Variants in MTHFS observed in about 807,000 individuals in gnomAD.
MTHFS encodes the protein methenyltetrahydrofolate synthetase.
MTHFS carries 7 observed loss-of-function variants against 12.7 expected under a neutral mutation model. The observed-to-expected ratio is 0.55, with a 90% CI of 0.31 to 1.03. The LOEUF is 1.03. Ranked by LOEUF, MTHFS falls within the 50% of genes least tolerant of loss-of-function variation. The probability of loss-of-function intolerance (pLI) is 0.05; values close to 1 mark genes in which losing one functional copy is unlikely to be tolerated. For synonymous variants in MTHFS, 100 were observed against 97.1 expected (o/e 1.03, Z -0.18); for missense variants, 252 against 258.1 (o/e 0.98, Z 0.16).
intron 2 of MTHFS, among the ~76,000 whole-genome samples, chr15:79,867,617 A>C (rs2034035284): frequency 6.6e-6 from 1 of 152,084 alleles, no homozygotes; most frequent in African/African-American, 2.4e-5. Context: ...GTCATAAAAA[A>C]AAAAAACCAA....
chr15:79,873,276 C>T (rs1247787492), intron 2 of MTHFS, among the ~76,000 whole-genome samples: 4 of 152,060 alleles, frequency 2.6e-5, no homozygotes, highest in Non-Finnish European at 2.9e-5. Flanking sequence ...GTGTGACCAT[C>T]GATAAGGTAC....
At chr15:79,859,797 G>A (rs1230567775) in intron 2 of MTHFS, among the ~76,000 whole-genome samples, 1 of 113,374 alleles carries the variant, frequency 8.8e-6, no homozygotes, top group African/African-American at 3.5e-5. Flanking sequence ...CAGGCTGGAA[G>A]ACAGAGAGAG....
At chr15:79,884,883 G>C (rs1445903821) in intron 2 of MTHFS, among the ~76,000 whole-genome samples, 1 of 152,166 alleles carries the variant, frequency 6.6e-6, no homozygotes, top group Non-Finnish European at 1.5e-5. Context: ...CAATAGGCTA[G>C]TTAACTCCAA....
At chr15:79,885,434 AGTTT>A (rs2034365308) in intron 2 of MTHFS, among the ~76,000 whole-genome samples, 1 of 152,188 alleles carries the variant, frequency 6.6e-6, no homozygotes, top group African/African-American at 2.4e-5. Flanking sequence ...AGCATTGGTG[AGTTT>A]AGTTTTGACT....
At chr15:79,896,763 G>T in intron 1 of MTHFS, 109 bp downstream of exon 1, 3 of 1,460,910 alleles carry the variant, frequency 2.1e-6, no homozygotes, top group Non-Finnish European at 2.7e-6. Flanking sequence ...GGGGGTGGGG[G>T]GGCGCCTAGC....
chr15:79,893,656 C>A lies in MTHFS; in HGVS notation c.117+3216G>T, dbSNP rs117522225. 0.019 allele frequency among the ~76,000 whole-genome samples: 2,824 copies of A among 150,340 alleles called. 175 individuals carry two copies. In the East Asian group the frequency reaches 0.22, roughly 12 times the overall value. ...GAGCTTGCAGTAAGCCGAGATCACG[C>A]CACTGCATAACAGCCTGGGCAACAG... On this transcript the variant is annotated intron_variant, in intron 1 of 2. Transcript: ENST00000258874.
chr15:79,886,687 G>T (rs989765056), intron 2 of MTHFS, among the ~76,000 whole-genome samples: 1 of 151,952 alleles, frequency 6.6e-6, no homozygotes, highest in Admixed American at 6.6e-5. Flanking sequence ...TATAATACAG[G>T]TTAGGATATT....
At chr15:79,855,695 T>C (rs1482993666) in intron 2 of MTHFS, among the ~76,000 whole-genome samples, 1 of 152,144 alleles carries the variant, frequency 6.6e-6, no homozygotes, top group Admixed American at 6.5e-5. Flanking sequence ...GAGGCCTCAG[T>C]GTCTGCTGTT....
rs761867386 is a variant in MTHFS at position 79,889,328 on chromosome 15, C to T, written c.144G>A (p.Lys48=). ...QKVIAHSEYQ[K]SKRISIFLSM... ...TCAGAAAGATGGAAATTCTTTTGGA[C>T]TTTTGATACTCACTGTGGGCAATCA... The change falls in exon 2 of 3, where the codon AAG becomes AAA. Residue 48 remains lysine, a synonymous_variant. Coordinates refer to ENST00000258874, the MANE Select transcript of MTHFS (RefSeq NM_006441.4). The T allele has an allele frequency of 2.5e-6, 4 of 1,613,990 alleles. No homozygotes were observed. The highest frequency in any genetic ancestry group is 1.6e-4 in the Middle Eastern group (1 of 6,062).
intron 2 of MTHFS, among the ~76,000 whole-genome samples, chr15:79,846,273 A>G (rs1472569430): frequency 6.6e-6 from 1 of 152,220 alleles, no homozygotes; most frequent in Non-Finnish European, 1.5e-5. Flanking sequence ...AACATGGGGT[A>G]CCAGTGTCAG....
chr15:79,857,933 T>C (rs1596065287), intron 2 of MTHFS, among the ~76,000 whole-genome samples: 1 of 149,032 alleles, frequency 6.7e-6, no homozygotes, highest in East Asian at 2.0e-4. Context: ...GGAGAATTGC[T>C]TGAACCCAGG....
intron 2 of MTHFS, among the ~76,000 whole-genome samples, chr15:79,869,204 C>T (rs1197739279): frequency 6.6e-6 from 1 of 152,156 alleles, no homozygotes; most frequent in African/African-American, 2.4e-5. Flanking sequence ...CACAAGTATC[C>T]TTACTTTGTT....
intron 2 of MTHFS, among the ~76,000 whole-genome samples, chr15:79,875,419 C>T (rs541708347): frequency 2.6e-5 from 4 of 152,246 alleles, no homozygotes; most frequent in East Asian, 3.9e-4. Flanking sequence ...AGAATTCTAT[C>T]TCCAGCAAAG....
At chr15:79,887,613 T>C (rs752536680) in intron 2 of MTHFS, among the ~76,000 whole-genome samples, 3 of 152,230 alleles carry the variant, frequency 2.0e-5, no homozygotes, top group East Asian at 3.8e-4. Flanking sequence ...CCTGCGAGTC[T>C]GGAGTAGCTG....
At chr15:79,886,867 T>A (rs1238165755) in intron 2 of MTHFS, among the ~76,000 whole-genome samples, 1 of 152,208 alleles carries the variant, frequency 6.6e-6, no homozygotes, top group African/African-American at 2.4e-5. Flanking sequence ...TATCTTATAA[T>A]GAATAATTCT....
chr15:79,853,103 A>G (rs1041972150), intron 2 of MTHFS, among the ~76,000 whole-genome samples: 1 of 152,188 alleles, frequency 6.6e-6, no homozygotes, highest in Non-Finnish European at 1.5e-5. Flanking sequence ...CCCATAATAC[A>G]GGTTCACCCC....
intron 2 of MTHFS, among the ~76,000 whole-genome samples, chr15:79,879,703 C>T (rs934193748): frequency 1.3e-5 from 2 of 152,066 alleles, no homozygotes; most frequent in East Asian, 3.8e-4. Context: ...GAAGCAGAGG[C>T]CTAAATCAGT....
chr15:79,878,861 CT>C lies in MTHFS; in HGVS notation c.379+10231del, dbSNP rs34987412. On this transcript the variant is annotated intron_variant, in intron 2 of 2. Coordinates refer to ENST00000258874, the MANE Select transcript of MTHFS (RefSeq NM_006441.4). ...AGCCTAGCACAGGAAAGCTTATTCCCTTTTTTTTTTTCTTTCTTTCTTTAAT... is the reference window on the plus strand; with the variant it reads ...AGCCTAGCACAGGAAAGCTTATTCCCTTTTTTTTTTCTTTCTTTCTTTAAT... 4.2e-3 allele frequency among the ~76,000 whole-genome samples: 620 copies of C among 146,050 alleles called. 6 individuals carry two copies. Among genetic ancestry groups the C allele is most frequent in the Admixed American group, 5.6e-3 (82 of 14,616 alleles).
chr15:79,894,399 T>G lies in MTHFS; in HGVS notation c.117+2473A>C, dbSNP rs139376405. ...CTGTCTTGAAAAAAAAAGAAAATATTAAATTTCATTGTATGTGCTTAAGAG... is the reference window on the plus strand; with the variant it reads ...CTGTCTTGAAAAAAAAAGAAAATATGAAATTTCATTGTATGTGCTTAAGAG... On this transcript the variant is annotated intron_variant, in intron 1 of 2. Transcript: ENST00000258874. Among the ~76,000 whole-genome samples the G allele has an allele frequency of 2.9e-3, 442 of 152,230 alleles. 4 individuals carry two copies. Among genetic ancestry groups the G allele is most frequent in the African/African-American group, 0.01 (420 of 41,546 alleles).
Sources: gnomAD v4.1 joint callset for allele counts (sites outside exome capture counted in the v4.1 genomes callset) on GRCh38, gnomAD v4.1.1 for gene constraint, MANE v1.5 for transcripts, NCBI Gene and HGNC (gene_info 2026-07-23, HGNC 2026-07-21) for gene names.